SRGAP3: variants seen among roughly 807,000 people sequenced by gnomAD.
The protein encoded by SRGAP3 is SLIT-ROBO Rho GTPase activating protein 3.
Under a neutral mutation model 121.1 loss-of-function variants are expected in SRGAP3, and 39 were observed. The observed-to-expected ratio is 0.32, with a 90% confidence interval of 0.25 to 0.42. SRGAP3 has a LOEUF of 0.42. Among genes scored for constraint, SRGAP3 ranks in the 10% least tolerant of loss-of-function variants. The pLI is 1.00. For missense variants in SRGAP3, 1,213 were observed against 1,470.6 expected, an observed-to-expected ratio of 0.82 and a Z score of 2.86; for synonymous variants, 601 against 570.0, an observed-to-expected ratio of 1.05 and a Z score of -0.77.
chr3:9,147,456 T>C (rs1231520334), intron 1 of SRGAP3, among the ~76,000 whole-genome samples: 1 of 152,078 alleles, frequency 6.6e-6, no homozygotes, highest in South Asian at 2.1e-4. Flanking sequence ...GTGGTTGAGT[T>C]AATGAACTCG....
intron 1 of SRGAP3, among the ~76,000 whole-genome samples, chr3:9,331,249 G>A (rs1292528922): frequency 6.6e-6 from 1 of 152,112 alleles, no homozygotes; most frequent in Non-Finnish European, 1.5e-5. Context: ...TACCTACCAC[G>A]TGCCAGGAAC....
chr3:9,258,901 C>T (rs973167889), intron 3 of SRGAP3, among the ~76,000 whole-genome samples: 6 of 152,296 alleles, frequency 3.9e-5, no homozygotes, highest in Non-Finnish European at 5.9e-5. Flanking sequence ...GAGCTTTTCA[C>T]GTGTGAATCA....
chr3:8,987,962 A>C (rs1941818139), intron 21 of SRGAP3, among the ~76,000 whole-genome samples: 1 of 152,192 alleles, frequency 6.6e-6, no homozygotes, highest in Non-Finnish European at 1.5e-5. Context: ...CATGAGCTGC[A>C]TGGTGAAACT....
intron 10 of SRGAP3, among the ~76,000 whole-genome samples, chr3:9,042,081 C>T (rs1420077966): frequency 6.7e-6 from 1 of 148,302 alleles, no homozygotes; most frequent in East Asian, 1.9e-4. Context: ...AGCCTGGGAC[C>T]CCCAGAGCTA....
intron 3 of SRGAP3, among the ~76,000 whole-genome samples, chr3:9,312,473 C>T (rs1559271972): frequency 6.6e-6 from 1 of 152,214 alleles, no homozygotes; most frequent in Admixed American, 6.5e-5. Context: ...CAATTTTTGA[C>T]ATGTGTCATG....
At chr3:9,165,636 C>T (rs1389525497) in intron 1 of SRGAP3, among the ~76,000 whole-genome samples, 5 of 152,142 alleles carry the variant, frequency 3.3e-5, no homozygotes, top group South Asian at 4.1e-4. Context: ...CAGCAGAACC[C>T]ACAAGGCCTG....
At position 8,990,438 on chromosome 3, in the gene SRGAP3, C is replaced by T. The variant is rs1941967133; in HGVS notation, c.2886+74G>A. On this transcript the variant is annotated intron_variant, in intron 21 of 21. Coordinates refer to ENST00000383836, the MANE Select transcript of SRGAP3 (RefSeq NM_014850.4). ...CCTGGCATAAAGGCCAAGGTGGCTC[C>T]CCGCTCCACGGATTCCCACCCGCTG... The T allele has an allele frequency of 3.3e-6, 5 of 1,531,412 alleles. No homozygotes were observed. The South Asian group carries it at 4.8e-5, about 15-fold the overall frequency. 94.9% of individuals were successfully genotyped at this position (1,531,412 alleles called of 1,614,324 possible).
intron 2 of SRGAP3, chr3:9,330,510 A>C (rs1359189313): frequency 1.2e-5 from 2 of 166,496 alleles, no homozygotes; most frequent in Non-Finnish European, 1.3e-5. Flanking sequence ...AATGGACACA[A>C]ACGGGTCCTG....
chr3:9,348,447 C>T, intron 1 of SRGAP3: 1 of 657,286 alleles, frequency 1.5e-6, no homozygotes, highest in Non-Finnish European at 2.8e-6. Flanking sequence ...GCCACCATGG[C>T]TGCCTACAAA....
chr3:9,049,458 A>T (rs1005399614), intron 9 of SRGAP3: 6 of 455,986 alleles, frequency 1.3e-5, no homozygotes, highest in Middle Eastern at 3.2e-4. Flanking sequence ...GGAAAACATC[A>T]TCAGGCCCCT....
intron 3 of SRGAP3, among the ~76,000 whole-genome samples, chr3:9,282,152 C>G (rs2125265776): frequency 6.6e-6 from 1 of 152,286 alleles, no homozygotes; most frequent in South Asian, 2.1e-4. Flanking sequence ...ACATTTTGAT[C>G]TCAGGACTTC....
intron 3 of SRGAP3, among the ~76,000 whole-genome samples, chr3:9,103,426 G>C (rs1418125453): frequency 1.3e-5 from 2 of 152,206 alleles, no homozygotes; most frequent in East Asian, 3.9e-4. Context: ...CAACAAGCCT[G>C]TTAATCCTTC....
Position 9,227,291 on chromosome 3 carries a change from TG to T in SRGAP3, c.67+21593del, listed in dbSNP as rs568693398. 5.3e-5 allele frequency among the ~76,000 whole-genome samples: 8 copies of T among 152,356 alleles called. No homozygotes were observed. In the South Asian group the frequency reaches 1.7e-3, roughly 32 times the overall value. On this transcript the variant is annotated intron_variant, in intron 1 of 21. Coordinates refer to ENST00000383836, the MANE Select transcript of SRGAP3 (RefSeq NM_014850.4). ...CAAAACATGCTAGTGGGTCTAACTT[TG>T]CCTGCAAGCCATCCGTTCTGCCATG... is the stretch of plus-strand genomic sequence containing the variant.
At chr3:9,187,713 C>T (rs1429380381) in intron 1 of SRGAP3, among the ~76,000 whole-genome samples, 1 of 152,174 alleles carries the variant, frequency 6.6e-6, no homozygotes, top group Non-Finnish European at 1.5e-5. Context: ...GCCCTGCCTC[C>T]TTTTTCCCTC....
chr3:9,345,187 C>A (rs1313907184), intron 1 of SRGAP3, among the ~76,000 whole-genome samples: 4 of 152,176 alleles, frequency 2.6e-5, no homozygotes, highest in Non-Finnish European at 5.9e-5. Flanking sequence ...AGAACTGTTG[C>A]AGGTTCAAGA....
intron 18 of SRGAP3, among the ~76,000 whole-genome samples, chr3:8,999,615 T>C (rs486012): frequency 0.61 from 92,317 of 152,028 alleles, 29,033 homozygotes; most frequent in African/African-American, 0.77. Context: ...GCCAAGTCAC[T>C]GTATCAAAGG....
intron 18 of SRGAP3, among the ~76,000 whole-genome samples, chr3:9,001,235 T>C (rs1423881993): frequency 2.0e-5 from 3 of 152,206 alleles, no homozygotes; most frequent in Non-Finnish European, 4.4e-5. Flanking sequence ...ATAGAGGAGA[T>C]GTTGAATGTT....
Position 9,030,944 on chromosome 3 carries a change from G to T in SRGAP3, c.1539+1706C>A, listed in dbSNP as rs555123641. Among the ~76,000 whole-genome samples, 9 of 86,006 alleles carry T rather than the reference G, an allele frequency of 1.0e-4. No individual in the cohort carries two copies. In the East Asian group the frequency reaches 3.2e-3, roughly 31 times the overall value. The allele number at this position is 86,006 out of a possible 152,430, so 56.4% of individuals were successfully genotyped here. The stretch of plus-strand genomic sequence containing the variant: ...TTGAGCTCATAGCTCTTCTTGCTCT[G>T]AACTTCTTTTTTTTTGTTGTTTATT... On this transcript the variant is annotated intron_variant, in intron 12 of 21. Coordinates refer to ENST00000383836, the MANE Select transcript of SRGAP3 (RefSeq NM_014850.4).
rs578102683 is a variant in SRGAP3, at chr3:9,204,241, G to A, written c.67+44644C>T. 9.8e-5 allele frequency among the ~76,000 whole-genome samples: 15 copies of A among 152,372 alleles called. No homozygotes were observed. The South Asian group carries it at 3.1e-3, about 32-fold the overall frequency. On this transcript the variant is annotated intron_variant, in intron 1 of 21. Transcript: ENST00000383836. ...TGTGACCCTCAGAAAAGCTGGAGAA[G>A]GCAGAGGGCCTGCCAGAAAGGCCAC... is the stretch of plus-strand genomic sequence containing the variant.
Sources: allele counts gnomAD v4.1 joint callset (sites outside exome capture counted in the v4.1 genomes callset), GRCh38; gene constraint gnomAD v4.1.1; transcripts MANE v1.5; gene names NCBI Gene and HGNC (gene_info 2026-07-23, HGNC 2026-07-21).